Variants in IQCM observed in about 807,000 individuals in gnomAD.
IQCM encodes the protein IQ domain-containing protein M.
A neutral mutation model predicts 57.6 loss-of-function variants in IQCM; 45 were observed. The ratio of observed to expected loss-of-function variants is 0.78; its 90% CI spans 0.62 to 1.00. The LOEUF (loss-of-function observed/expected upper bound fraction) is 1.00. Ranked by LOEUF, IQCM falls within the 50% of genes least tolerant of loss-of-function variation. IQCM has a pLI of 0.00. For missense variants in IQCM, 468 were observed against 511.6 expected (o/e 0.91, Z 0.82); for synonymous variants, 148 against 158.9 (o/e 0.93, Z 0.51).
intron 12 of IQCM, among the ~76,000 whole-genome samples, chr4:149,441,697 G>C (rs1735956312): frequency 6.6e-6 from 1 of 152,092 alleles, no homozygotes; most frequent in South Asian, 2.1e-4. Context: ...AAATCCTGAG[G>C]TCTCATGTGT....
chr4:149,797,470 G>C (rs1773210231), intron 2 of IQCM, among the ~76,000 whole-genome samples: 1 of 151,990 alleles, frequency 6.6e-6, no homozygotes. Context: ...GCCTTAAAGA[G>C]GAAGTAGAGA....
intron 7 of IQCM, among the ~76,000 whole-genome samples, chr4:149,659,349 G>T (rs1185667832): frequency 6.6e-6 from 1 of 152,044 alleles, no homozygotes; most frequent in East Asian, 1.9e-4. Context: ...ACAAATGGAA[G>T]AACATTCCAT....
chr4:149,547,525 A>C (rs1748571569), intron 12 of IQCM, among the ~76,000 whole-genome samples: 1 of 152,180 alleles, frequency 6.6e-6, no homozygotes, highest in African/African-American at 2.4e-5. Context: ...AAAACATACA[A>C]ACTTTTTGTC....
intron 3 of IQCM, among the ~76,000 whole-genome samples, chr4:149,737,384 T>C (rs1002527938): frequency 1.3e-5 from 2 of 152,222 alleles, no homozygotes; most frequent in African/African-American, 4.8e-5. Context: ...TAACTAATGA[T>C]ATGCATGTTG....
At chr4:149,601,054 A>C (rs1453545679) in intron 8 of IQCM, among the ~76,000 whole-genome samples, 2 of 152,170 alleles carry the variant, frequency 1.3e-5, no homozygotes, top group East Asian at 1.9e-4. Flanking sequence ...ATCAGGAAAA[A>C]AATTACCTCG....
At chr4:149,745,700 A>T (rs1395648561) in intron 2 of IQCM, among the ~76,000 whole-genome samples, 1 of 152,180 alleles carries the variant, frequency 6.6e-6, no homozygotes. Flanking sequence ...GGCTGGGTGC[A>T]GTGGCTCATT....
rs543530227 is a variant in IQCM at position 149,492,524 on chromosome 4, C to G, written c.1228+55931G>C. Among the ~76,000 whole-genome samples, 6 of 152,196 alleles carry G rather than the reference C, an allele frequency of 3.9e-5. No individual in the cohort carries two copies. The South Asian group carries it at 1.0e-3, about 26-fold the overall frequency. The stretch of plus-strand genomic sequence containing the variant: ...TTCTCTGCTTCAGTTAATGGTAACA[C>G]TATCAACTTGAACATTTTAATATAC... On this transcript the variant is annotated intron_variant, in intron 12 of 13. Transcript: ENST00000636793.
chr4:149,609,253 C>T (rs77413468), intron 8 of IQCM, among the ~76,000 whole-genome samples: 1 of 151,716 alleles, frequency 6.6e-6, no homozygotes, highest in Admixed American at 6.6e-5. Context: ...ATTTAAAAAT[C>T]TCCCATCAGA....
intron 9 of IQCM, 89 bp from the exon 10 acceptor site, chr4:149,563,979 T>G: frequency 1.8e-6 from 1 of 563,132 alleles, no homozygotes; most frequent in Non-Finnish European, 2.6e-6. Flanking sequence ...ATGAATACAT[T>G]GAAATAGGAA....
rs558549724 is a variant in IQCM at position 149,389,829 on chromosome 4, A to G, written c.1391-37763T>C. On this transcript the variant is annotated intron_variant, in intron 13 of 13. Coordinates refer to ENST00000636793, the MANE Select transcript of IQCM (RefSeq NM_001363507.2). Reference sequence around the variant, plus strand: ...TATGTAACTAACCTGCACATTGTGCACATGTACCCTAAAACTTAAAGTATA... The same window carrying G: ...TATGTAACTAACCTGCACATTGTGCGCATGTACCCTAAAACTTAAAGTATA... Among the ~76,000 whole-genome samples the G allele has an allele frequency of 5.0e-4, 76 of 152,170 alleles. 1 individual carries two copies. The South Asian group carries it at 0.016, about 32-fold the overall frequency.
At chr4:149,613,533 T>A (rs1241954679) in intron 8 of IQCM, among the ~76,000 whole-genome samples, 1 of 152,126 alleles carries the variant, frequency 6.6e-6, no homozygotes, top group Non-Finnish European at 1.5e-5. Context: ...TAACCTGATG[T>A]GAAGAACTTA....
At chr4:149,582,467 G>A (rs529247697) in intron 9 of IQCM, among the ~76,000 whole-genome samples, 1 of 149,772 alleles carries the variant, frequency 6.7e-6, no homozygotes, top group Non-Finnish European at 1.5e-5. Context: ...AAGAGAGATA[G>A]GTATTAAGCT....
chr4:149,361,289 A>G (rs1729464115), intron 13 of IQCM, among the ~76,000 whole-genome samples: 1 of 152,198 alleles, frequency 6.6e-6, no homozygotes, highest in South Asian at 2.1e-4. Context: ...CAGCCTGAGT[A>G]TGCAATAGAA....
intron 2 of IQCM, among the ~76,000 whole-genome samples, chr4:149,757,735 TTA>T (rs1248292221): frequency 1.3e-4 from 14 of 111,858 alleles, no homozygotes; most frequent in East Asian, 9.4e-4. Flanking sequence ...ATTCCTGATA[TTA>T]TATATGTGTG....
chr4:149,526,570 T>C (rs1746183733), intron 12 of IQCM, among the ~76,000 whole-genome samples: 1 of 152,080 alleles, frequency 6.6e-6, no homozygotes, highest in Admixed American at 6.6e-5. Context: ...AATGGAAATT[T>C]AATCTAGACA....
intron 7 of IQCM, among the ~76,000 whole-genome samples, chr4:149,644,793 T>C (rs1579827150): frequency 6.6e-6 from 1 of 152,224 alleles, no homozygotes; most frequent in East Asian, 1.9e-4. Flanking sequence ...AGAATTTCCA[T>C]TTTAACAACA....
chr4:149,577,155 C>T (rs575503634), intron 9 of IQCM, among the ~76,000 whole-genome samples: 1 of 152,040 alleles, frequency 6.6e-6, no homozygotes, highest in South Asian at 2.1e-4. Flanking sequence ...GCATAGTTTG[C>T]AAACATTTTC....
chr4:149,388,237 T>A (rs1427075101), intron 13 of IQCM, among the ~76,000 whole-genome samples: 1 of 151,782 alleles, frequency 6.6e-6, no homozygotes, highest in Non-Finnish European at 1.5e-5. Flanking sequence ...AGATGTGTGT[T>A]TATCCTTTCA....
At chr4:149,461,009 C>A (rs1738216823) in intron 12 of IQCM, among the ~76,000 whole-genome samples, 1 of 151,958 alleles carries the variant, frequency 6.6e-6, no homozygotes, top group African/African-American at 2.4e-5. Context: ...CTGAGGTGGG[C>A]AGATCACCTG....
Sources: allele counts gnomAD v4.1 joint callset (sites outside exome capture counted in the v4.1 genomes callset), GRCh38; gene constraint gnomAD v4.1.1; transcripts MANE v1.5; gene names NCBI Gene and HGNC (gene_info 2026-07-23, HGNC 2026-07-21).